Variants in MED28 observed in about 807,000 individuals in gnomAD.
MED28 encodes mediator complex subunit 28.
A neutral mutation model predicts 21.3 loss-of-function variants in MED28; 26 were observed. That is an observed-to-expected ratio of 1.22 (90% CI 0.89 to 1.69). The LOEUF is 1.69. Among genes scored for constraint, MED28 ranks in the 40% most tolerant of loss-of-function variants. The probability of loss-of-function intolerance (pLI) is 0.00; values close to 1 mark genes in which losing one functional copy is unlikely to be tolerated. For missense variants in MED28, 257 were observed against 215.4 expected, an observed-to-expected ratio of 1.19 and a Z score of -1.21; for synonymous variants, 110 against 87.6, an observed-to-expected ratio of 1.26 and a Z score of -1.43.
At chr4:17,621,520 T>TATAA (rs1714632153) in intron 2 of MED28, 67 bp from the exon 3 acceptor site, 6 of 1,072,946 alleles carry the variant, frequency 5.6e-6, no homozygotes, top group Non-Finnish European at 4.0e-6. Flanking sequence ...TGATTATTCA[T>TATAA]TTATGAGGGA....
chr4:17,633,965 G>A lies in MED28; in HGVS notation c.*10167G>A. 1.4e-5 allele frequency: 16 copies of A among 1,166,446 alleles called. No homozygotes were observed. Among genetic ancestry groups the A allele is most frequent in the Non-Finnish European group, 1.7e-5 (15 of 884,788 alleles). 72.3% of individuals were successfully genotyped at this position (1,166,446 alleles called of 1,614,324 possible). On this transcript the variant is annotated 3_prime_UTR_variant, in exon 4 of 4. Coordinates refer to ENST00000237380, the MANE Select transcript of MED28 (RefSeq NM_025205.5). Reference sequence around the variant, plus strand: ...AAGCATTATTGTAAAAGCAAATAATGCTCACCCAATCAAAATTGTATCGGA... The same window carrying A: ...AAGCATTATTGTAAAAGCAAATAATACTCACCCAATCAAAATTGTATCGGA...
Position 17,624,011 on chromosome 4 carries a change from AAG to A in MED28, c.*214_*215del. ...TGTCTGTAGCTTGGATAAACCAAGT[AAG>A]TATTTTTTTTTTGTCTTTAGCAAAG... On this transcript the variant is annotated 3_prime_UTR_variant, in exon 4 of 4. Coordinates refer to ENST00000237380, the MANE Select transcript of MED28 (RefSeq NM_025205.5). The A allele has an allele frequency of 1.8e-6, 1 of 568,904 alleles. No homozygotes were observed. The highest frequency in any genetic ancestry group is 2.9e-5 in the East Asian group (1 of 34,624). 35.2% of individuals were successfully genotyped at this position (568,904 alleles called of 1,614,324 possible).
intron 3 of MED28, among the ~76,000 whole-genome samples, chr4:17,623,331 G>T (rs1378714258): frequency 6.7e-6 from 1 of 150,178 alleles, no homozygotes; most frequent in Admixed American, 6.7e-5. Flanking sequence ...AACCCGGGAG[G>T]TGGAGGCTGC....
In MED28 at chr4:17,626,770, C is replaced by T. The variant is rs978234364; in HGVS notation, c.*2972C>T. ...CACAGGCAAGTGCTGGGGAAAGGCC[C>T]ACCCAGCCATCAGGTAGCCTGTGTG... On this transcript the variant is annotated 3_prime_UTR_variant, in exon 4 of 4. Transcript: ENST00000237380. 5 of 152,160 alleles carry T rather than the reference C, an allele frequency of 3.3e-5. No individual in the cohort carries two copies. Among genetic ancestry groups the T allele is most frequent in the African/African-American group, 4.8e-5 (2 of 41,390 alleles). 9.4% of individuals were successfully genotyped at this position (152,160 alleles called of 1,614,324 possible). A position where few individuals can be genotyped will look rare whatever the true frequency, so the allele number is the denominator to read the frequency against.
chr4:17,620,764 A>G (rs1023651350), intron 2 of MED28, among the ~76,000 whole-genome samples: 14 of 145,612 alleles, frequency 9.6e-5, no homozygotes, highest in African/African-American at 3.4e-4. Context: ...GTGCAGTGGC[A>G]TGATCTCTGC....
At position 17,616,821 on chromosome 4, in the gene MED28, A is replaced by T. The variant is rs72491273; in HGVS notation, c.159+2008A>T. Among the ~76,000 whole-genome samples, 77 of 152,322 alleles carry T rather than the reference A, an allele frequency of 5.1e-4. No homozygotes were observed. The East Asian group carries it at 0.015, about 29-fold the overall frequency. Reference sequence around the variant, plus strand: ...AGTGCTAGATGAATATTTGTCAGACATTGAAGGAATCTGTAGTGTGGAGCC... The same window carrying T: ...AGTGCTAGATGAATATTTGTCAGACTTTGAAGGAATCTGTAGTGTGGAGCC... On this transcript the variant is annotated intron_variant, in intron 1 of 3. Transcript: ENST00000237380.
chr4:17,618,200 G>C (rs927551916), intron 1 of MED28, among the ~76,000 whole-genome samples: 6 of 151,698 alleles, frequency 4.0e-5, no homozygotes, highest in Admixed American at 3.3e-4. Flanking sequence ...GTAGAGACAG[G>C]GTTTCACCAC....
intron 3 of MED28, among the ~76,000 whole-genome samples, chr4:17,622,339 A>G (rs893636783): frequency 1.1e-4 from 17 of 152,224 alleles, no homozygotes; most frequent in Non-Finnish European, 7.3e-5. Flanking sequence ...CAATTTTTGA[A>G]GTAACTAGTC....
In MED28 at chr4:17,627,055, C is replaced by T. The variant is rs535728698; in HGVS notation, c.*3257C>T. 7 of 151,860 alleles carry T rather than the reference C, an allele frequency of 4.6e-5. No individual in the cohort carries two copies. Among genetic ancestry groups the T allele is most frequent in the Admixed American group, 1.3e-4 (2 of 15,226 alleles). The allele number at this position is 151,860 out of a possible 1,614,324, so 9.4% of individuals were successfully genotyped here. ...CTCGGCTCACTGCAACCTCTGCCTC[C>T]CGGGTTCAAGTAATTTTCCTACGTC... is the stretch of plus-strand genomic sequence containing the variant. On this transcript the variant is annotated 3_prime_UTR_variant, in exon 4 of 4. Coordinates refer to ENST00000237380, the MANE Select transcript of MED28 (RefSeq NM_025205.5).
At chr4:17,621,935 A>G (rs1714649362) in intron 3 of MED28, among the ~76,000 whole-genome samples, 1 of 152,240 alleles carries the variant, frequency 6.6e-6, no homozygotes. Flanking sequence ...CTTGTGTCAT[A>G]CATTGGCCTT....
At position 17,614,777 on chromosome 4, in the gene MED28, C is replaced by G. The variant is rs1429549066; in HGVS notation, c.123C>G (p.Ser41Arg). The G allele has an allele frequency of 1.2e-6, 2 of 1,613,720 alleles. No individual in the cohort carries two copies. The highest frequency in any genetic ancestry group is 1.7e-6 in the Non-Finnish European group (2 of 1,179,808). Reference sequence around the variant, plus strand: ...CTCCAGGCGCTCCTAGACCTTCCAGCAGTACTTTGGTGGACGAGTTGGAGT... The same window carrying G: ...CTCCAGGCGCTCCTAGACCTTCCAGGAGTACTTTGGTGGACGAGTTGGAGT... Reference protein sequence around the residue: ...QAAPGAPRPSSSTLVDELESS... With the variant: ...QAAPGAPRPSRSTLVDELESS... Residue 41 changes from serine (S) to arginine (R), a missense_variant, in exon 1 of 4, where the codon AGC (serine) becomes AGG (arginine). Coordinates refer to ENST00000237380, the MANE Select transcript of MED28 (RefSeq NM_025205.5).
At chr4:17,619,098 C>T (rs1560157120) in intron 1 of MED28, among the ~76,000 whole-genome samples, 2 of 152,220 alleles carry the variant, frequency 1.3e-5, no homozygotes, top group South Asian at 2.1e-4. Flanking sequence ...ATGCTGTTCT[C>T]TTTCTGTGCC....
At position 17,623,852 on chromosome 4, in the gene MED28, C is replaced by T. The variant is rs1277052928; in HGVS notation, c.*54C>T. On this transcript the variant is annotated 3_prime_UTR_variant, in exon 4 of 4. Coordinates refer to ENST00000237380, the MANE Select transcript of MED28 (RefSeq NM_025205.5). ...GTGGGCTGATGCGTGAGGTTGGCCA[C>T]ACATTCCTTCCTGTGGACTTGACAT... 1 of 1,544,444 alleles carries T rather than the reference C, an allele frequency of 6.5e-7. No individual in the cohort carries two copies. Among genetic ancestry groups the T allele is most frequent in the Non-Finnish European group, 8.8e-7 (1 of 1,132,492 alleles).
chr4:17,624,921 C>T lies in MED28; in HGVS notation c.*1123C>T, dbSNP rs1047977058. Reference sequence around the variant, plus strand: ...TCTGGCTCTCATTGGGTAAGGTTTTCTGAGTTTTATATCTTATTAGATCAC... The same window carrying T: ...TCTGGCTCTCATTGGGTAAGGTTTTTTGAGTTTTATATCTTATTAGATCAC... On this transcript the variant is annotated 3_prime_UTR_variant, in exon 4 of 4. Coordinates refer to ENST00000237380, the MANE Select transcript of MED28 (RefSeq NM_025205.5). The T allele has an allele frequency of 6.6e-6, 1 of 152,142 alleles. No individual in the cohort carries two copies. The highest frequency in any genetic ancestry group is 1.5e-5 in the Non-Finnish European group (1 of 68,030). The allele number at this position is 152,142 out of a possible 1,614,324, so 9.4% of individuals were successfully genotyped here. A position where few individuals can be genotyped will look rare whatever the true frequency, so the allele number is the denominator to read the frequency against.
In MED28 at chr4:17,632,593, T is replaced by G. The variant is rs916540890; in HGVS notation, c.*8795T>G. On this transcript the variant is annotated 3_prime_UTR_variant, in exon 4 of 4. Transcript: ENST00000237380. ...CGGAGAGCCCTGTTTCTGCTGGACT[T>G]CTTTGGCTTGGGCCGTTTCACCATC... The G allele has an allele frequency of 2.4e-5, 38 of 1,551,234 alleles. No homozygotes were observed. The Admixed American group carries it at 4.9e-4, about 20-fold the overall frequency.
chr4:17,632,518 T>A lies in MED28; in HGVS notation c.*8720T>A. On this transcript the variant is annotated 3_prime_UTR_variant, in exon 4 of 4. Transcript: ENST00000237380. ...TTTTTCAAGTATCCTCTGTGATGTA[T>A]CCCAAAGGTTAGCTTAGAAAGAAAA... 6.5e-7 allele frequency: 1 copy of A among 1,538,684 alleles called. No homozygotes were observed. Among genetic ancestry groups the A allele is most frequent in the Non-Finnish European group, 8.8e-7 (1 of 1,135,994 alleles).
Position 17,619,082 on chromosome 4 carries a change from A to G in MED28, c.160-819A>G, listed in dbSNP as rs569980649. Among the ~76,000 whole-genome samples, 5 of 152,070 alleles carry G rather than the reference A, an allele frequency of 3.3e-5. No homozygotes were observed. In the South Asian group the frequency reaches 1.0e-3, roughly 32 times the overall value. ...GGCTTCTTTTCTAACTCCTTTTCCAACTGCCATGCTGTTCTCTTTCTGTGC... is the reference window on the plus strand; with the variant it reads ...GGCTTCTTTTCTAACTCCTTTTCCAGCTGCCATGCTGTTCTCTTTCTGTGC... On this transcript the variant is annotated intron_variant, in intron 1 of 3. Transcript: ENST00000237380.
chr4:17,632,043 AT>A lies in MED28; in HGVS notation c.*8289del, dbSNP rs199549580. On this transcript the variant is annotated 3_prime_UTR_variant, in exon 4 of 4. Transcript: ENST00000237380. ...TTTTAATAACACTGGTTTAATGTCA[AT>A]TTTTTTTTTTTTTTTTTTTTTTTTT... 3 of 117,614 alleles carry A rather than the reference AT, an allele frequency of 2.6e-5. No individual in the cohort carries two copies. The highest frequency in any genetic ancestry group is 3.5e-5 in the Non-Finnish European group (2 of 56,564). The allele number at this position is 117,614 out of a possible 1,614,324, so 7.3% of individuals were successfully genotyped here. A position where few individuals can be genotyped will look rare whatever the true frequency, so the allele number is the denominator to read the frequency against.
chr4:17,620,179 T>C (rs764819003), intron 2 of MED28: 1 of 560,440 alleles, frequency 1.8e-6, no homozygotes, highest in South Asian at 2.1e-5. Flanking sequence ...AATGAACTTT[T>C]CGTATTCGTA....
Sources: gnomAD v4.1 joint callset for allele counts (sites outside exome capture counted in the v4.1 genomes callset) on GRCh38, gnomAD v4.1.1 for gene constraint, MANE v1.5 for transcripts, NCBI Gene and HGNC (gene_info 2026-07-23, HGNC 2026-07-21) for gene names.